Variants in MAGI2 observed in about 807,000 individuals in gnomAD.
MAGI2 encodes the protein membrane associated guanylate kinase, WW and PDZ domain containing 2, also known as membrane-associated guanylate kinase, WW and PDZ domain-containing protein 2.
In MAGI2, 35 loss-of-function variants were observed where a neutral mutation model predicts 133.3. The ratio of observed to expected loss-of-function variants is 0.26; its 90% CI spans 0.20 to 0.35. MAGI2 has a LOEUF of 0.35. Among genes scored for constraint, MAGI2 ranks in the 10% least tolerant of loss-of-function variants. The pLI is 1.00. For synonymous variants in MAGI2, 729 were observed against 710.6 expected (o/e 1.03, Z -0.41); for missense variants, 1,636 against 1,863.4 (o/e 0.88, Z 2.25).
At chr7:79,146,909 T>C (rs974423169) in intron 1 of MAGI2, among the ~76,000 whole-genome samples, 1 of 152,246 alleles carries the variant, frequency 6.6e-6, no homozygotes, top group African/African-American at 2.4e-5. Flanking sequence ...ATTTCGTCTT[T>C]CTGTCCTAAT....
chr7:78,500,869 C>A (rs1184843558), intron 5 of MAGI2, among the ~76,000 whole-genome samples: 1 of 152,136 alleles, frequency 6.6e-6, no homozygotes, highest in Non-Finnish European at 1.5e-5. Flanking sequence ...TGGGCAATCA[C>A]CTGAGCCCAG....
At chr7:79,136,528 T>C (rs1821591399) in intron 1 of MAGI2, among the ~76,000 whole-genome samples, 2 of 152,208 alleles carry the variant, frequency 1.3e-5, no homozygotes, top group African/African-American at 4.8e-5. Context: ...TTTCAGACAC[T>C]AGTCAATGTG....
intron 2 of MAGI2, among the ~76,000 whole-genome samples, chr7:78,876,559 T>A (rs189472903): frequency 6.6e-6 from 1 of 152,202 alleles, no homozygotes; most frequent in Admixed American, 6.5e-5. Flanking sequence ...CAAGTTATAT[T>A]GTAACCACCA....
intron 7 of MAGI2, among the ~76,000 whole-genome samples, chr7:78,364,830 T>A (rs1379133666): frequency 6.6e-6 from 1 of 152,196 alleles, no homozygotes; most frequent in Non-Finnish European, 1.5e-5. Flanking sequence ...TATTAAAAAA[T>A]TTTCCTATCT....
intron 1 of MAGI2, among the ~76,000 whole-genome samples, chr7:79,270,327 T>C (rs898191336): frequency 6.6e-6 from 1 of 152,128 alleles, no homozygotes; most frequent in African/African-American, 2.4e-5. Context: ...TGCCACAGTC[T>C]CAGTGAATTG....
At chr7:78,038,640 G>A (rs1810489321) in intron 21 of MAGI2, among the ~76,000 whole-genome samples, 2 of 152,150 alleles carry the variant, frequency 1.3e-5, no homozygotes, top group Non-Finnish European at 2.9e-5. Flanking sequence ...GGATTCACAT[G>A]CGGGTTGAAG....
chr7:78,953,420 T>A (rs1445912552), intron 2 of MAGI2, among the ~76,000 whole-genome samples: 1 of 152,158 alleles, frequency 6.6e-6, no homozygotes, highest in African/African-American at 2.4e-5. Context: ...ATAAAGTTTC[T>A]GTGTGTGGTT....
At chr7:78,922,461 C>A (rs952258191) in intron 2 of MAGI2, among the ~76,000 whole-genome samples, 2 of 150,960 alleles carry the variant, frequency 1.3e-5, no homozygotes, top group African/African-American at 2.4e-5. Context: ...TTTGTCCTTG[C>A]GATAGTTTAC....
intron 1 of MAGI2, among the ~76,000 whole-genome samples, chr7:79,259,761 C>T (rs967319713): frequency 3.3e-5 from 5 of 152,072 alleles, no homozygotes; most frequent in African/African-American, 1.2e-4. Flanking sequence ...CTGCTGAAAA[C>T]CGAAAAAGTA....
intron 15 of MAGI2, among the ~76,000 whole-genome samples, chr7:78,165,605 G>T (rs1459933875): frequency 6.6e-6 from 1 of 152,106 alleles, no homozygotes; most frequent in Admixed American, 6.5e-5. Flanking sequence ...ACACAGCACT[G>T]CTCCTCTGTG....
At chr7:78,509,992 C>T (rs1258149364) in intron 4 of MAGI2, among the ~76,000 whole-genome samples, 2 of 152,068 alleles carry the variant, frequency 1.3e-5, no homozygotes, top group Admixed American at 6.5e-5. Flanking sequence ...TATGTGACAA[C>T]TTTTAAGAAA....
At chr7:78,274,672 C>T (rs1794891781) in intron 9 of MAGI2, among the ~76,000 whole-genome samples, 1 of 152,080 alleles carries the variant, frequency 6.6e-6, no homozygotes, top group African/African-American at 2.4e-5. Context: ...AGTCTGGCTG[C>T]AGAGGCCTTG....
At chr7:78,647,302 GA>G (rs778108618) in intron 2 of MAGI2, among the ~76,000 whole-genome samples, 1 of 151,842 alleles carries the variant, frequency 6.6e-6, no homozygotes, top group East Asian at 1.9e-4. Context: ...AAATTTACAA[GA>G]AAAAAACAAC....
intron 12 of MAGI2, among the ~76,000 whole-genome samples, chr7:78,188,635 G>T (rs1299398366): frequency 6.6e-6 from 1 of 152,058 alleles, no homozygotes; most frequent in Non-Finnish European, 1.5e-5. Flanking sequence ...TACGTGGGGG[G>T]TACTTTAATG....
chr7:79,249,536 T>C (rs562957355), intron 1 of MAGI2, among the ~76,000 whole-genome samples: 38 of 152,144 alleles, frequency 2.5e-4, no homozygotes, highest in Non-Finnish European at 5.0e-4. Context: ...TGCCAATGAA[T>C]TGGAAAACCT....
chr7:78,521,367 A>G, intron 4 of MAGI2, 63 bp downstream of exon 4: 2 of 1,182,492 alleles, frequency 1.7e-6, no homozygotes, highest in Non-Finnish European at 2.5e-6. Flanking sequence ...GTATATGTGT[A>G]CATATATATC....
At chr7:78,385,534 T>C (rs1347080166) in intron 6 of MAGI2, among the ~76,000 whole-genome samples, 1 of 152,178 alleles carries the variant, frequency 6.6e-6, no homozygotes, top group Non-Finnish European at 1.5e-5. Context: ...AAGGCATCAT[T>C]GCTGCTTATT....
intron 1 of MAGI2, among the ~76,000 whole-genome samples, chr7:79,213,111 T>C (rs1195413459): frequency 6.6e-6 from 1 of 151,888 alleles, no homozygotes; most frequent in Non-Finnish European, 1.5e-5. Flanking sequence ...TTTCTGGGAT[T>C]TTTTGCCTCT....
intron 9 of MAGI2, among the ~76,000 whole-genome samples, chr7:78,298,426 G>A (rs1454373299): frequency 6.6e-6 from 1 of 152,134 alleles, no homozygotes; most frequent in African/African-American, 2.4e-5. Flanking sequence ...AATATACTAA[G>A]GTAAGATGTT....
Sources: gnomAD v4.1 joint callset for allele counts (sites outside exome capture counted in the v4.1 genomes callset) on GRCh38, gnomAD v4.1.1 for gene constraint, MANE v1.5 for transcripts, NCBI Gene and HGNC (gene_info 2026-07-23, HGNC 2026-07-21) for gene names.